GOLGB1: variants seen among roughly 807,000 people sequenced by gnomAD.
GOLGB1 encodes golgin subfamily B member 1.
In GOLGB1, 174 loss-of-function variants were observed where a neutral mutation model predicts 336.9. The observed-to-expected ratio is 0.52, with a 90% CI of 0.46 to 0.59. The LOEUF (loss-of-function observed/expected upper bound fraction) is 0.59, where lower values mean the gene tolerates loss of function less well. Ranked by LOEUF, GOLGB1 falls within the 20% of genes least tolerant of loss-of-function variation. GOLGB1 has a pLI of 0.00. For synonymous variants in GOLGB1, 1,208 were observed against 1,289.2 expected, an observed-to-expected ratio of 0.94 and a Z score of 1.35; for missense variants, 3,331 against 3,645.3, an observed-to-expected ratio of 0.91 and a Z score of 2.22.
chr3:121,724,339 C>A (rs1268008578), intron 5 of GOLGB1, among the ~76,000 whole-genome samples: 1 of 152,076 alleles, frequency 6.6e-6, no homozygotes, highest in Admixed American at 6.6e-5. Context: ...AAATGAGGAA[C>A]AAAGTATCAG....
Position 121,697,572 on chromosome 3 carries a change from T to A in GOLGB1, c.2951A>T (p.His984Leu), listed in dbSNP as rs1271772976. The change falls in exon 13 of 22, where the codon CAT (histidine) becomes CTT (leucine). Residue 984 changes from histidine to leucine, a missense_variant. Transcript: ENST00000614479. ...AGQISKEELQ[H>L]EFDLLKKENE... Reference sequence around the variant, plus strand: ...TTCTTTCTTCAGAAGGTCAAATTCATGCTGAAGTTCTTCCTTACTTATTTG... The same window carrying A: ...TTCTTTCTTCAGAAGGTCAAATTCAAGCTGAAGTTCTTCCTTACTTATTTG... 1 of 1,613,818 alleles carries A rather than the reference T, an allele frequency of 6.2e-7. No individual in the cohort carries two copies. The highest frequency in any genetic ancestry group is 1.1e-5 in the South Asian group (1 of 91,068).
chr3:121,697,682 C>T lies in GOLGB1; in HGVS notation c.2841G>A (p.Glu947=), dbSNP rs758435341. Residue 947 remains glutamate, a synonymous_variant, in exon 13 of 22, where the codon GAG becomes GAA. Transcript: ENST00000614479. ...KEQLNLLSRA[E]EAKKEQVEED... is the part of the protein sequence containing the mutation. ...CTTCCACCTGCTCTTTTTTTGCTTC[C>T]TCAGCTCTGGATAATAAATTTAGCT... 6 of 1,611,538 alleles carry T rather than the reference C, an allele frequency of 3.7e-6. No individual in the cohort carries two copies. Among genetic ancestry groups the T allele is most frequent in the South Asian group, 2.2e-5 (2 of 90,662 alleles).
At chr3:121,665,709 AAC>A (rs1159031553) in intron 20 of GOLGB1, among the ~76,000 whole-genome samples, 2 of 152,228 alleles carry the variant, frequency 1.3e-5, no homozygotes, top group Admixed American at 1.3e-4. Flanking sequence ...AGCTGCATGT[AAC>A]ACAGCACGTT....
intron 10 of GOLGB1, among the ~76,000 whole-genome samples, chr3:121,707,491 G>C (rs888850733): frequency 6.6e-6 from 1 of 151,708 alleles, no homozygotes; most frequent in African/African-American, 2.4e-5. Context: ...AAATTAGCTG[G>C]GTAGCATGGT....
chr3:121,719,427 G>A (rs1262656886), intron 7 of GOLGB1, among the ~76,000 whole-genome samples: 1 of 152,144 alleles, frequency 6.6e-6, no homozygotes, highest in Non-Finnish European at 1.5e-5. Flanking sequence ...ACTAAACTCA[G>A]CTTTTGAGCA....
chr3:121,706,537 C>G (rs1943840845), intron 10 of GOLGB1, among the ~76,000 whole-genome samples: 1 of 151,622 alleles, frequency 6.6e-6, no homozygotes, highest in Admixed American at 6.6e-5. Flanking sequence ...GAGTTCGAGA[C>G]TAGCCTGGCC....
At chr3:121,692,691 C>A in intron 13 of GOLGB1, 110 bp from the exon 14 acceptor site, 1 of 619,674 alleles carries the variant, frequency 1.6e-6, no homozygotes, top group Admixed American at 3.4e-5. Flanking sequence ...AATTAACATT[C>A]ATAACAGGTG....
chr3:121,672,440 G>A (rs184176407), intron 17 of GOLGB1, among the ~76,000 whole-genome samples: 4 of 152,194 alleles, frequency 2.6e-5, no homozygotes, highest in East Asian at 3.9e-4. Context: ...TTTGAGAAAC[G>A]TCTATTCAGA....
Position 121,696,878 on chromosome 3 carries a change from A to G in GOLGB1, c.3645T>C (p.Asp1215=). ...HLREELKQQK[D]DYNRLQEQFD... is the part of the protein sequence containing the mutation. ...ACTGTTCTTGCAAGCGATTATAGTC[A>G]TCTTTCTGTTGCTTTAGCTCCTCCC... The change falls in exon 13 of 22, where the codon GAT becomes GAC. Residue 1215 remains aspartate (D), a synonymous_variant. Coordinates refer to ENST00000614479, the MANE Select transcript of GOLGB1 (RefSeq NM_001366282.2). 2 of 1,614,090 alleles carry G rather than the reference A, an allele frequency of 1.2e-6. No individual in the cohort carries two copies. Among genetic ancestry groups the G allele is most frequent in the Non-Finnish European group, 1.7e-6 (2 of 1,179,988 alleles).
intron 14 of GOLGB1, among the ~76,000 whole-genome samples, chr3:121,685,228 G>C (rs1941587207): frequency 6.6e-6 from 1 of 152,208 alleles, no homozygotes; most frequent in Middle Eastern, 3.4e-3. Flanking sequence ...AATGAGGAAG[G>C]GGTTTGTATT....
chr3:121,747,150 TTATATATATATATATATATATATATATA>T lies in GOLGB1; in HGVS notation c.-3+2454_-3+2481del, dbSNP rs548032779. On this transcript the variant is annotated intron_variant, in intron 1 of 21. Coordinates refer to ENST00000614479, the MANE Select transcript of GOLGB1 (RefSeq NM_001366282.2). ...GCCCTAAGATATATATACATGGATG[TTATATATATATATATATATATATATATA>T]TATATATATATATATGGATGTTACA... is the stretch of plus-strand genomic sequence containing the variant. Among the ~76,000 whole-genome samples, 62 of 49,584 alleles carry T rather than the reference TTATATATATATATATATATATATATATA, an allele frequency of 1.3e-3. 1 individual carries two copies. The highest frequency in any genetic ancestry group is 0.019 in the Middle Eastern group (1 of 52). 32.5% of individuals were successfully genotyped at this position (49,584 alleles called of 152,430 possible).
Position 121,696,219 on chromosome 3 carries a change from A to G in GOLGB1, c.4304T>C (p.Ile1435Thr). 1.6e-5 allele frequency: 26 copies of G among 1,613,860 alleles called. No homozygotes were observed. The highest frequency in any genetic ancestry group is 2.0e-5 in the Non-Finnish European group (24 of 1,179,916). Reference sequence around the variant, plus strand: ...AGCCTTAATTAAATCTTCTTGTTCTATTATCTCTGTCTGTATTTTAGTGAG... The same window carrying G: ...AGCCTTAATTAAATCTTCTTGTTCTGTTATCTCTGTCTGTATTTTAGTGAG... ...AALTKIQTEI[I>T]EQEDLIKALH... The change falls in exon 13 of 22, where the codon ATA (isoleucine) becomes ACA (threonine). Residue 1435 changes from isoleucine (I) to threonine (T), a missense_variant. By Grantham distance (89) the Ile-to-Thr change is moderately conservative. Coordinates refer to ENST00000614479, the MANE Select transcript of GOLGB1 (RefSeq NM_001366282.2).
Position 121,664,870 on chromosome 3 carries a change from T to C in GOLGB1, c.9660+56A>G, listed in dbSNP as rs1357330194. ...CTTCTCCTCAGCTCCTTGCCCCCAG[T>C]ATAGCCAGCCCTGTCAGATAATAAA... is the stretch of plus-strand genomic sequence containing the variant. On this transcript the variant is annotated intron_variant, in intron 21 of 21. Coordinates refer to ENST00000614479, the MANE Select transcript of GOLGB1 (RefSeq NM_001366282.2). The C allele has an allele frequency of 2.8e-6, 3 of 1,079,476 alleles. No individual in the cohort carries two copies. The East Asian group carries it at 7.1e-5, about 26-fold the overall frequency. 66.9% of individuals were successfully genotyped at this position (1,079,476 alleles called of 1,614,324 possible).
intron 10 of GOLGB1, among the ~76,000 whole-genome samples, chr3:121,710,519 C>A (rs1466985214): frequency 3.3e-5 from 5 of 152,084 alleles, no homozygotes; most frequent in Non-Finnish European, 4.4e-5. Context: ...TACATGAGTT[C>A]ACTTATATAT....
At chr3:121,693,650 G>C in intron 13 of GOLGB1, 91 bp downstream of exon 13, 2 of 940,428 alleles carry the variant, frequency 2.1e-6, no homozygotes, top group Non-Finnish European at 3.2e-6. Flanking sequence ...GCCAAAATTA[G>C]TCCCATTGTC....
intron 17 of GOLGB1, among the ~76,000 whole-genome samples, chr3:121,670,765 G>GGT (rs1560167212): frequency 2.7e-5 from 4 of 147,722 alleles, no homozygotes; most frequent in African/African-American, 5.0e-5. Flanking sequence ...TGGGGGGGGG[G>GGT]GTGTGGGAGG....
chr3:121,725,655 A>AAT (rs1357588756), intron 5 of GOLGB1, among the ~76,000 whole-genome samples: 2 of 152,114 alleles, frequency 1.3e-5, no homozygotes, highest in African/African-American at 4.8e-5. Context: ...CTATGATGTG[A>AAT]ATGTCCCCTC....
intron 1 of GOLGB1, among the ~76,000 whole-genome samples, chr3:121,731,984 AG>A (rs1296786759): frequency 6.6e-6 from 1 of 152,176 alleles, no homozygotes; most frequent in East Asian, 1.9e-4. Flanking sequence ...TAAATGAAAG[AG>A]GAAACATCAT....
chr3:121,717,205 G>C, intron 8 of GOLGB1, 66 bp from the exon 9 acceptor site: 3 of 1,318,972 alleles, frequency 2.3e-6, no homozygotes, highest in Non-Finnish European at 3.1e-6. Context: ...GCATTGTAAA[G>C]TGCTTTTTCT....
Sources: gnomAD v4.1 joint callset for allele counts (sites outside exome capture counted in the v4.1 genomes callset) on GRCh38, gnomAD v4.1.1 for gene constraint, MANE v1.5 for transcripts, NCBI Gene and HGNC (gene_info 2026-07-23, HGNC 2026-07-21) for gene names.